Variants in STIM1 observed in about 807,000 individuals in gnomAD.
STIM1 encodes stromal interaction molecule 1.
STIM1 carries 25 observed loss-of-function variants against 74.7 expected under a neutral mutation model. That is an observed-to-expected ratio of 0.33 (90% CI 0.24 to 0.47). The LOEUF is 0.47. Ranked by LOEUF, STIM1 falls within the 20% of genes least tolerant of loss-of-function variation. The pLI, the probability that STIM1 is intolerant of heterozygous loss-of-function variation, is 1.00. For synonymous variants in STIM1, 328 were observed against 348.8 expected, an observed-to-expected ratio of 0.94 and a Z score of 0.66; for missense variants, 728 against 920.8, an observed-to-expected ratio of 0.79 and a Z score of 2.71.
intron 2 of STIM1, among the ~76,000 whole-genome samples, chr11:3,994,607 A>G (rs893602883): frequency 6.6e-6 from 1 of 151,612 alleles, no homozygotes; most frequent in African/African-American, 2.4e-5. Flanking sequence ...TCGCAGGCGT[A>G]CACCACCACA....
chr11:4,070,923 A>C (rs1192349340), intron 6 of STIM1, among the ~76,000 whole-genome samples: 1 of 152,204 alleles, frequency 6.6e-6, no homozygotes, highest in African/African-American at 2.4e-5. Flanking sequence ...CCTGAGAAAA[A>C]AAACTTACAC....
chr11:4,046,823 T>A (rs1189482609), intron 3 of STIM1, among the ~76,000 whole-genome samples: 2 of 152,276 alleles, frequency 1.3e-5, no homozygotes, highest in East Asian at 1.9e-4. Flanking sequence ...CTAATTTTTT[T>A]ATTTTTCTTT....
chr11:4,024,110 T>C, intron 3 of STIM1, 123 bp downstream of exon 3: 1 of 753,414 alleles, frequency 1.3e-6, no homozygotes, highest in Non-Finnish European at 2.3e-6. Flanking sequence ...ATTGAAGTTA[T>C]TCTACATATA....
chr11:3,980,804 C>T (rs2093496743), intron 2 of STIM1, among the ~76,000 whole-genome samples: 1 of 152,124 alleles, frequency 6.6e-6, no homozygotes, highest in Non-Finnish European at 1.5e-5. Flanking sequence ...TTGTGGGGAG[C>T]TGTCTTGTAC....
At chr11:3,989,400 C>T (rs2093587645) in intron 2 of STIM1, 2 of 755,608 alleles carry the variant, frequency 2.6e-6, no homozygotes, top group East Asian at 2.5e-5. Flanking sequence ...ACAACCGCGC[C>T]GATCTCCTCT....
chr11:4,087,483 A>G (rs2094500570), intron 12 of STIM1, among the ~76,000 whole-genome samples: 1 of 152,138 alleles, frequency 6.6e-6, no homozygotes, highest in African/African-American at 2.4e-5. Flanking sequence ...AGAATACAAT[A>G]TATTTGTGGT....
chr11:3,984,336 T>C (rs932662065), intron 2 of STIM1, among the ~76,000 whole-genome samples: 7 of 152,190 alleles, frequency 4.6e-5, no homozygotes, highest in African/African-American at 1.7e-4. Context: ...CATCATCTTG[T>C]CTCCTACTTC....
At chr11:3,989,465 T>A in intron 2 of STIM1, 1 of 674,020 alleles carries the variant, frequency 1.5e-6, no homozygotes, top group Non-Finnish European at 2.8e-6. Flanking sequence ...TTAGGCATCC[T>A]GGCGGCGTGG....
chr11:4,046,553 G>A (rs897081172), intron 3 of STIM1, among the ~76,000 whole-genome samples: 1 of 152,174 alleles, frequency 6.6e-6, no homozygotes, highest in Non-Finnish European at 1.5e-5. Context: ...AGAGATTGGA[G>A]CATTCTTGCC....
Position 4,091,348 on chromosome 11 carries a change from A to G in STIM1, c.1701A>G (p.Lys567=), listed in dbSNP as rs1565173966. Residue 567 remains lysine, a synonymous_variant, in exon 13 of 13, where the codon AAA becomes AAG. Coordinates refer to ENST00000526596, the MANE Select transcript of STIM1 (RefSeq NM_001382567.1). ...HMSDRQRVAP[K]PPQMSRAADE... ...GTGACCGCCAGCGTGTGGCCCCCAA[A>G]CCTCCTCAGATGAGCCGTGCTGCAG... 1 of 1,613,570 alleles carries G rather than the reference A, an allele frequency of 6.2e-7. No homozygotes were observed. Among genetic ancestry groups the G allele is most frequent in the Admixed American group, 1.7e-5 (1 of 59,968 alleles).
chr11:3,983,135 T>C (rs1243697165), intron 2 of STIM1, among the ~76,000 whole-genome samples: 2 of 152,202 alleles, frequency 1.3e-5, no homozygotes, highest in African/African-American at 2.4e-5. Flanking sequence ...GGTTTCTCTG[T>C]GTTGGCCAGG....
chr11:4,089,062 T>G, intron 12 of STIM1: 1 of 285,544 alleles, frequency 3.5e-6, no homozygotes, highest in Non-Finnish European at 7.0e-6. Context: ...TGAGACCCTG[T>G]CTCTACAAAA....
rs1479738388 is a variant in STIM1, at chr11:3,895,609, T to TCC, written c.139+39201_139+39202insCC. Among the ~76,000 whole-genome samples the TCC allele has an allele frequency of 7.9e-3, 127 of 16,152 alleles. 3 individuals carry two copies. Among genetic ancestry groups the TCC allele is most frequent in the Non-Finnish European group, 0.011 (107 of 9,436 alleles). 10.6% of individuals were successfully genotyped at this position (16,152 alleles called of 152,430 possible). A position where few individuals can be genotyped will look rare whatever the true frequency, so the allele number is the denominator to read the frequency against. On this transcript the variant is annotated intron_variant, in intron 1 of 12. Transcript: ENST00000526596. ...GGGAATAGTGTTCTTTCTTTCTCTCTCTTTCTTTCTTTCTTTCTTTCTTTC... is the reference window on the plus strand; with the variant it reads ...GGGAATAGTGTTCTTTCTTTCTCTCTCCCTTTCTTTCTTTCTTTCTTTCTTTC...
intron 1 of STIM1, among the ~76,000 whole-genome samples, chr11:3,896,122 T>A (rs1373126263): frequency 6.6e-6 from 1 of 151,942 alleles, no homozygotes; most frequent in African/African-American, 2.4e-5. Context: ...GCCAGGACGG[T>A]CTTGATCTCC....
intron 2 of STIM1, among the ~76,000 whole-genome samples, chr11:4,004,531 A>G (rs2093756457): frequency 6.6e-6 from 1 of 151,118 alleles, no homozygotes; most frequent in African/African-American, 2.4e-5. Context: ...CTGGCTAGCC[A>G]TATGTAGAAA....
chr11:3,860,071 G>A (rs1052665092), intron 1 of STIM1, among the ~76,000 whole-genome samples: 9 of 152,200 alleles, frequency 5.9e-5, no homozygotes, highest in Non-Finnish European at 1.3e-4. Flanking sequence ...TTACAGTCTT[G>A]TTGATGAGAC....
At chr11:3,944,413 G>A (rs2093047418) in intron 1 of STIM1, among the ~76,000 whole-genome samples, 1 of 152,220 alleles carries the variant, frequency 6.6e-6, no homozygotes, top group South Asian at 2.1e-4. Context: ...CACCAAGGGA[G>A]GGAGCATGAG....
At chr11:3,927,743 A>G (rs1373308608) in intron 1 of STIM1, among the ~76,000 whole-genome samples, 2 of 152,186 alleles carry the variant, frequency 1.3e-5, no homozygotes, top group Non-Finnish European at 1.5e-5. Context: ...TCTGCTACTT[A>G]GTTTTAGGCG....
chr11:3,901,377 G>C (rs1369424768), intron 1 of STIM1, among the ~76,000 whole-genome samples: 2 of 152,110 alleles, frequency 1.3e-5, no homozygotes, highest in Non-Finnish European at 2.9e-5. Flanking sequence ...ACCACCTATT[G>C]ACATTTTGTT....
Sources: gnomAD v4.1 joint callset for allele counts (sites outside exome capture counted in the v4.1 genomes callset) on GRCh38, gnomAD v4.1.1 for gene constraint, MANE v1.5 for transcripts, NCBI Gene and HGNC (gene_info 2026-07-23, HGNC 2026-07-21) for gene names.